Variants in NKAIN3 observed in about 807,000 individuals in gnomAD.
NKAIN3 encodes sodium/potassium transporting ATPase interacting 3.
NKAIN3 carries 25 observed loss-of-function variants against 30.2 expected under a neutral mutation model. That is an observed-to-expected ratio of 0.83 (90% confidence interval 0.60 to 1.16). The LOEUF (loss-of-function observed/expected upper bound fraction) is 1.16, where lower values mean the gene tolerates loss of function less well. NKAIN3 is among the 50% of genes most tolerant of loss of function. NKAIN3 has a pLI of 0.00. For missense variants in NKAIN3, 225 were observed against 254.1 expected (o/e 0.89, Z 0.78); for synonymous variants, 91 against 89.6 (o/e 1.02, Z -0.09).
intron 3 of NKAIN3, among the ~76,000 whole-genome samples, chr8:62,695,397 A>G (rs1367753485): frequency 3.3e-5 from 5 of 152,200 alleles, no homozygotes; most frequent in Non-Finnish European, 7.3e-5. Flanking sequence ...AGCCACGTGC[A>G]TGGGATCGGT....
intron 1 of NKAIN3, among the ~76,000 whole-genome samples, chr8:62,477,800 T>C (rs1275490909): frequency 1.3e-5 from 2 of 151,970 alleles, no homozygotes; most frequent in Admixed American, 6.6e-5. Flanking sequence ...GATAAGAGGA[T>C]TGACATTCTG....
chr8:62,377,396 G>A (rs1170633762), intron 1 of NKAIN3, among the ~76,000 whole-genome samples: 1 of 151,922 alleles, frequency 6.6e-6, no homozygotes, highest in Non-Finnish European at 1.5e-5. Context: ...CTTTTAAATG[G>A]TTTGATTCTC....
intron 1 of NKAIN3, among the ~76,000 whole-genome samples, chr8:62,309,557 G>T (rs1814360532): frequency 6.7e-6 from 1 of 150,332 alleles, no homozygotes; most frequent in African/African-American, 2.5e-5. Context: ...AAAAATAATA[G>T]ACTTGGTTGC....
chr8:62,951,633 A>AT (rs1034324382), intron 5 of NKAIN3, among the ~76,000 whole-genome samples: 14 of 150,444 alleles, frequency 9.3e-5, no homozygotes, highest in Non-Finnish European at 1.6e-4. Flanking sequence ...TAATTTTTGA[A>AT]TTTTTTTTTA....
At chr8:62,999,218 C>T (rs756027280) in intron 5 of NKAIN3, 2 of 152,198 alleles carry the variant, frequency 1.3e-5, no homozygotes, top group East Asian at 1.9e-4. Context: ...TTTTTTGGCT[C>T]ATGCTTCTGC....
intron 1 of NKAIN3, among the ~76,000 whole-genome samples, chr8:62,556,285 T>C (rs1394910885): frequency 1.3e-5 from 2 of 151,858 alleles, no homozygotes; most frequent in African/African-American, 2.4e-5. Context: ...CTTCAAACAT[T>C]GATAACATAT....
intron 1 of NKAIN3, among the ~76,000 whole-genome samples, chr8:62,548,070 A>C (rs184020255): frequency 1.8e-4 from 28 of 152,156 alleles, no homozygotes; most frequent in Admixed American, 1.4e-3. Flanking sequence ...GTTGGCTCCT[A>C]ATCTCTTGCC....
chr8:62,916,821 C>A (rs1322543378), intron 4 of NKAIN3, among the ~76,000 whole-genome samples: 1 of 152,136 alleles, frequency 6.6e-6, no homozygotes, highest in Admixed American at 6.5e-5. Context: ...AAGGAGGAAA[C>A]AAGGTGTTAG....
intron 1 of NKAIN3, among the ~76,000 whole-genome samples, chr8:62,326,936 G>T (rs7825753): frequency 0.03 from 4,553 of 151,984 alleles, 221 homozygotes; most frequent in African/African-American, 0.1. Context: ...GAATAAAGAT[G>T]CTAATTTGTT....
chr8:62,846,626 C>A (rs1340871549), intron 4 of NKAIN3, among the ~76,000 whole-genome samples: 1 of 152,034 alleles, frequency 6.6e-6, no homozygotes, highest in African/African-American at 2.4e-5. Flanking sequence ...TAATGACCTC[C>A]AGCTCCATCC....
intron 1 of NKAIN3, among the ~76,000 whole-genome samples, chr8:62,299,079 C>A (rs893049727): frequency 2.0e-5 from 3 of 151,928 alleles, no homozygotes; most frequent in African/African-American, 2.4e-5. Context: ...ATGTCTAAGA[C>A]ATAGCTTTTT....
intron 4 of NKAIN3, among the ~76,000 whole-genome samples, chr8:62,804,549 C>T (rs1818201507): frequency 6.6e-6 from 1 of 152,156 alleles, no homozygotes; most frequent in African/African-American, 2.4e-5. Context: ...AAGACAAAAA[C>T]CACACGATTA....
At chr8:62,613,202 G>A (rs1388634118) in intron 3 of NKAIN3, among the ~76,000 whole-genome samples, 2 of 152,120 alleles carry the variant, frequency 1.3e-5, no homozygotes, top group Non-Finnish European at 2.9e-5. Flanking sequence ...TTGTAGGACA[G>A]GCCTGGTATT....
chr8:62,987,232 C>CA (rs956938748), downstream of NKAIN3, among the ~76,000 whole-genome samples: 53 of 149,278 alleles, frequency 3.6e-4, no homozygotes, highest in South Asian at 6.3e-4. Flanking sequence ...ACTAAAAATA[C>CA]AAAAAAAAAC....
At chr8:62,620,264 G>A (rs1312825243) in intron 3 of NKAIN3, among the ~76,000 whole-genome samples, 1 of 152,108 alleles carries the variant, frequency 6.6e-6, no homozygotes, top group Non-Finnish European at 1.5e-5. Flanking sequence ...CAGGTATAGG[G>A]TGGGCACCTC....
At chr8:62,847,182 TA>T (rs1267438722) in intron 4 of NKAIN3, among the ~76,000 whole-genome samples, 36 of 152,192 alleles carry the variant, frequency 2.4e-4, no homozygotes, top group African/African-American at 8.4e-4. Flanking sequence ...GAATAATTTA[TA>T]TTCCTTTAGG....
At position 62,379,727 on chromosome 8, in the gene NKAIN3, G is replaced by C. The variant is rs551354825; in HGVS notation, c.54+130600G>C. Among the ~76,000 whole-genome samples, 3 of 152,214 alleles carry C rather than the reference G, an allele frequency of 2.0e-5. No individual in the cohort carries two copies. The East Asian group carries it at 5.8e-4, about 29-fold the overall frequency. ...GCAGAACTGTGAATCAATTCAACCT[G>C]TTTTCTTTGTAAATTACCCAGTCTC... On this transcript the variant is annotated intron_variant, in intron 1 of 6. Transcript: ENST00000623646.
intron 1 of NKAIN3, among the ~76,000 whole-genome samples, chr8:62,400,494 C>T (rs368239157): frequency 1.3e-3 from 197 of 152,100 alleles, no homozygotes; most frequent in African/African-American, 4.6e-3. Context: ...TTCTAGAAAT[C>T]GGATGTTTTG....
intron 4 of NKAIN3, among the ~76,000 whole-genome samples, chr8:62,794,466 G>A (rs1241614524): frequency 6.6e-6 from 1 of 152,138 alleles, no homozygotes; most frequent in Non-Finnish European, 1.5e-5. Context: ...GGATTCTGAA[G>A]CGGCTCTCTG....
Sources: gnomAD v4.1 joint callset for allele counts (sites outside exome capture counted in the v4.1 genomes callset) on GRCh38, gnomAD v4.1.1 for gene constraint, MANE v1.5 for transcripts, NCBI Gene and HGNC (gene_info 2026-07-23, HGNC 2026-07-21) for gene names.